The following CECR2 variants were observed in gnomAD, a reference collection of about 807,000 sequenced individuals.
CECR2 encodes chromatin remodeling regulator CECR2.
CECR2 carries 30 observed loss-of-function variants against 154.5 expected under a neutral mutation model. The ratio of observed to expected loss-of-function variants is 0.19; its 90% CI spans 0.15 to 0.26. The LOEUF is 0.26. Ranked by LOEUF, CECR2 falls within the 10% of genes least tolerant of loss-of-function variation. The pLI, the probability that CECR2 is intolerant of heterozygous loss-of-function variation, is 1.00. For synonymous variants in CECR2, 725 were observed against 683.7 expected (o/e 1.06, Z -0.94); for missense variants, 1,743 against 1,829.3 (o/e 0.95, Z 0.86).
At position 17,548,921 on chromosome 22, in the gene CECR2, T is replaced by C. The variant is rs2056660488; in HGVS notation, c.3634T>C (p.Trp1212Arg). The C allele has an allele frequency of 6.8e-6, 11 of 1,613,676 alleles. No homozygotes were observed. Among genetic ancestry groups the C allele is most frequent in the Non-Finnish European group, 9.3e-6 (11 of 1,179,706 alleles). Residue 1212 changes from tryptophan to arginine, a missense_variant, in exon 17 of 19, where the codon TGG becomes CGG. This residue lies in a region of CECR2 where 1,250 missense variants were observed against 1,192.1 expected (regional missense o/e 1.05). Transcript: ENST00000262608. ...TGCCTGTCCACAGAGCTTTTCTGAC[T>C]GGCAGAGACCTCTCCATCCCCAGGG... ...YYACPQSFSD[W>R]QRPLHPQGSP... is the part of the protein sequence containing the mutation.
rs189763833 is a variant in CECR2 at position 17,392,486 on chromosome 22, A to G, written c.126+22577A>G. Among the ~76,000 whole-genome samples the G allele has an allele frequency of 2.7e-4, 41 of 152,070 alleles. 1 individual carries two copies. The highest frequency in any genetic ancestry group is 9.4e-4 in the African/African-American group (39 of 41,512). On this transcript the variant is annotated intron_variant, in intron 1 of 18. Coordinates refer to ENST00000262608, the MANE Select transcript of CECR2 (RefSeq NM_001290047.2). ...CTGGGCGACAGTGAGACTCCGTCTCAAAAATAGAATAATAAAATAAAACAA... is the reference window on the plus strand; with the variant it reads ...CTGGGCGACAGTGAGACTCCGTCTCGAAAATAGAATAATAAAATAAAACAA...
At position 17,548,997 on chromosome 22, in the gene CECR2, TCTC is replaced by T; in HGVS notation, c.3711_3713del (p.Phe1237_Ser1238delinsLeu). ...CAGCCTCCCCCACCAAGGTCCCTCTTCTCAGATAAGAATGCCATGGCCAGTCTG... is the reference window on the plus strand; with the variant it reads ...CAGCCTCCCCCACCAAGGTCCCTCTTAGATAAGAATGCCATGGCCAGTCTG... On this transcript the variant is annotated inframe_deletion, in exon 17 of 19. Coordinates refer to ENST00000262608, the MANE Select transcript of CECR2 (RefSeq NM_001290047.2). 1 of 1,613,876 alleles carries T rather than the reference TCTC, an allele frequency of 6.2e-7. No individual in the cohort carries two copies. Among genetic ancestry groups the T allele is most frequent in the Non-Finnish European group, 8.5e-7 (1 of 1,179,864 alleles).
chr22:17,519,561 C>T (rs558401649), intron 8 of CECR2, among the ~76,000 whole-genome samples: 5 of 152,010 alleles, frequency 3.3e-5, no homozygotes, highest in Admixed American at 6.5e-5. Context: ...CCCGGCCCCT[C>T]GTGTGCTTTA....
At chr22:17,367,837 G>A (rs2146425913), upstream of CECR2, among the ~76,000 whole-genome samples, 1 of 152,286 alleles carries the variant, frequency 6.6e-6, no homozygotes. Flanking sequence ...CAATACTCAC[G>A]GGGTAGCTGT....
intron 1 of CECR2, among the ~76,000 whole-genome samples, chr22:17,376,998 G>A (rs555427664): frequency 6.6e-6 from 1 of 152,308 alleles, no homozygotes; most frequent in East Asian, 1.9e-4. Context: ...CTGTCTTTAA[G>A]TTGTGTTCTT....
chr22:17,413,650 C>T (rs994710092), intron 1 of CECR2, among the ~76,000 whole-genome samples: 1 of 151,512 alleles, frequency 6.6e-6, no homozygotes, highest in African/African-American at 2.4e-5. Flanking sequence ...ATTTCATGTG[C>T]ATTTGGAAGG....
intron 1 of CECR2, among the ~76,000 whole-genome samples, chr22:17,390,630 A>ATTTTGTTTTG (rs201094363): frequency 6.6e-5 from 10 of 151,748 alleles, no homozygotes; most frequent in African/African-American, 2.2e-4. Flanking sequence ...AGGTGTTTTT[A>ATTTTGTTTTG]TTTTGTTTTG....
chr22:17,378,917 G>T lies in CECR2; in HGVS notation c.126+9008G>T, dbSNP rs190878423. 9.9e-5 allele frequency among the ~76,000 whole-genome samples: 15 copies of T among 152,242 alleles called. No individual in the cohort carries two copies. In the East Asian group the frequency reaches 2.1e-3, roughly 22 times the overall value. ...CCAGATGTGAATGTCATCAGCAATTGTACATGTCACAAACCTGGGAAACAG... is the reference window on the plus strand; with the variant it reads ...CCAGATGTGAATGTCATCAGCAATTTTACATGTCACAAACCTGGGAAACAG... On this transcript the variant is annotated intron_variant, in intron 1 of 18. Coordinates refer to ENST00000262608, the MANE Select transcript of CECR2 (RefSeq NM_001290047.2).
At chr22:17,501,274 T>G (rs577837473) in intron 5 of CECR2, among the ~76,000 whole-genome samples, 223 of 152,300 alleles carry the variant, frequency 1.5e-3, no homozygotes, top group Non-Finnish European at 2.6e-3. Context: ...TGAGTTAGGC[T>G]GAATTTCACC....
chr22:17,518,181 G>C (rs2056093058), intron 8 of CECR2, among the ~76,000 whole-genome samples: 1 of 152,160 alleles, frequency 6.6e-6, no homozygotes, highest in Non-Finnish European at 1.5e-5. Flanking sequence ...AGTTTATTAG[G>C]AGAGAGAGCC....
chr22:17,369,820 G>A lies in CECR2; in HGVS notation c.37G>A (p.Glu13Lys), dbSNP rs1484236852. ...PEEGGAAGLGELRSWWEVPAI... is the reference protein window; with the variant it reads ...PEEGGAAGLGKLRSWWEVPAI... ...GGAGGGCGGCGCGGCCGGGCTGGGC[G>A]AGCTCCGCTCCTGGTGGGAGGTCCC... Residue 13 changes from glutamate to lysine, a missense_variant, in exon 1 of 19, where the codon GAG becomes AAG. Glu to Lys is a moderately conservative substitution (Grantham distance 56). This residue lies in a region of CECR2 where 98 missense variants were observed against 169.3 expected (regional missense o/e 0.58). Coordinates refer to ENST00000262608, the MANE Select transcript of CECR2 (RefSeq NM_001290047.2). 2 of 150,956 alleles carry A rather than the reference G, an allele frequency of 1.3e-5. No individual in the cohort carries two copies. Among genetic ancestry groups the A allele is most frequent in the East Asian group, 1.9e-4 (1 of 5,132 alleles). 9.4% of individuals were successfully genotyped at this position (150,956 alleles called of 1,614,324 possible).
At chr22:17,389,538 T>A (rs1339702687) in intron 1 of CECR2, among the ~76,000 whole-genome samples, 1 of 152,134 alleles carries the variant, frequency 6.6e-6, no homozygotes, top group Non-Finnish European at 1.5e-5. Flanking sequence ...CTTGAACTCC[T>A]GGGCTCAAGC....
At chr22:17,502,679 T>A (rs1048613798) in intron 5 of CECR2, among the ~76,000 whole-genome samples, 7 of 152,086 alleles carry the variant, frequency 4.6e-5, no homozygotes, top group African/African-American at 1.7e-4. Flanking sequence ...GGCGGGTGCC[T>A]ATAGTCCCAG....
chr22:17,389,939 T>G (rs573327695), intron 1 of CECR2, among the ~76,000 whole-genome samples: 6 of 152,314 alleles, frequency 3.9e-5, no homozygotes, highest in African/African-American at 1.4e-4. Context: ...GAATATTCTC[T>G]TATACATATA....
rs56010603 is a variant in CECR2, at chr22:17,478,352, A to ATTTT, written c.221+688_221+691dup. ...TCTCAGATAGGTAAAATGGTATCAAATTTTTTTTTTTTTTTTTTTTTGAGA... is the reference window on the plus strand; with the variant it reads ...TCTCAGATAGGTAAAATGGTATCAAATTTTTTTTTTTTTTTTTTTTTTTTTGAGA... On this transcript the variant is annotated intron_variant, in intron 2 of 18. Coordinates refer to ENST00000262608, the MANE Select transcript of CECR2 (RefSeq NM_001290047.2). 3.0e-4 allele frequency among the ~76,000 whole-genome samples: 36 copies of ATTTT among 118,960 alleles called. 1 individual carries two copies. The highest frequency in any genetic ancestry group is 2.8e-4 in the South Asian group (1 of 3,536). The allele number at this position is 118,960 out of a possible 152,430, so 78.0% of individuals were successfully genotyped here.
intron 1 of CECR2, among the ~76,000 whole-genome samples, chr22:17,423,422 G>A (rs1302240228): frequency 2.0e-5 from 3 of 151,894 alleles, no homozygotes; most frequent in Admixed American, 1.3e-4. Flanking sequence ...CAGGAGAATC[G>A]CTTGAACCCA....
At chr22:17,458,276 G>T (rs927929776) in intron 1 of CECR2, among the ~76,000 whole-genome samples, 1 of 152,058 alleles carries the variant, frequency 6.6e-6, no homozygotes, top group African/African-American at 2.4e-5. Context: ...TTAGCCAGGT[G>T]TGGTGGCGGG....
intron 9 of CECR2, among the ~76,000 whole-genome samples, chr22:17,531,011 C>T (rs2056346335): frequency 6.6e-6 from 1 of 152,158 alleles, no homozygotes; most frequent in Non-Finnish European, 1.5e-5. Flanking sequence ...TACTTACACA[C>T]TTAATGCTAC....
At chr22:17,441,548 G>A (rs1443516358) in intron 1 of CECR2, among the ~76,000 whole-genome samples, 2 of 152,078 alleles carry the variant, frequency 1.3e-5, no homozygotes, top group African/African-American at 4.8e-5. Context: ...AAAAGTAGCC[G>A]GGGGAGATTG....
Sources: gnomAD v4.1 joint callset for allele counts (sites outside exome capture counted in the v4.1 genomes callset) on GRCh38, gnomAD v4.1.1 for gene constraint, gnomAD v4.1.1 regional missense constraint, MANE v1.5 for transcripts, NCBI Gene and HGNC (gene_info 2026-07-23, HGNC 2026-07-21) for gene names.